The following SLC8A1 variants were observed in gnomAD, a reference collection of about 807,000 sequenced individuals.
The protein encoded by SLC8A1 is sodium/calcium exchanger 1.
In SLC8A1, 18 loss-of-function variants were observed where a neutral mutation model predicts 68.3. The observed-to-expected ratio is 0.26, with a 90% CI of 0.18 to 0.39. The LOEUF (loss-of-function observed/expected upper bound fraction) is 0.39, where lower values mean the gene tolerates loss of function less well. Among genes scored for constraint, SLC8A1 ranks in the 10% least tolerant of loss-of-function variants. SLC8A1 has a pLI of 1.00. For missense variants in SLC8A1, 985 were observed against 1,156.7 expected (o/e 0.85, Z 2.15); for synonymous variants, 475 against 415.5 (o/e 1.14, Z -1.74).
At chr2:40,123,970 T>A (rs1248786925) in intron 7 of SLC8A1, among the ~76,000 whole-genome samples, 2 of 152,216 alleles carry the variant, frequency 1.3e-5, no homozygotes, top group African/African-American at 4.8e-5. Context: ...TTTCAGTTAA[T>A]CCTCTTTGCA....
intron 1 of SLC8A1, among the ~76,000 whole-genome samples, chr2:40,448,584 T>G (rs1476388110): frequency 6.6e-6 from 1 of 152,162 alleles, no homozygotes; most frequent in Non-Finnish European, 1.5e-5. Context: ...CTACCAAGAA[T>G]TAGAGCCAAA....
chr2:40,107,671 C>T (rs1052424838), exon 8 of SLC8A1: 1 of 152,162 alleles, frequency 6.6e-6, no homozygotes, highest in Non-Finnish European at 1.5e-5. Flanking sequence ...ATGCTTCCTT[C>T]CATGCCTCTC....
intron 6 of SLC8A1, among the ~76,000 whole-genome samples, chr2:40,142,753 A>G (rs905863239): frequency 6.6e-6 from 1 of 152,198 alleles, no homozygotes; most frequent in African/African-American, 2.4e-5. Flanking sequence ...GTCTGAGAAT[A>G]TTTCAAGGTA....
intron 2 of SLC8A1, among the ~76,000 whole-genome samples, chr2:40,426,012 T>G (rs1696764404): frequency 6.6e-6 from 1 of 151,966 alleles, no homozygotes; most frequent in African/African-American, 2.4e-5. Context: ...AACCTTGTGT[T>G]TGAATCTTGG....
rs565261267 is a variant in SLC8A1, at chr2:40,397,072, G to C, written c.1808+31401C>G. Among the ~76,000 whole-genome samples, 6 of 152,222 alleles carry C rather than the reference G, an allele frequency of 3.9e-5. No individual in the cohort carries two copies. In the South Asian group the frequency reaches 1.2e-3, roughly 32 times the overall value. On this transcript the variant is annotated intron_variant, in intron 2 of 7. Coordinates refer to ENST00000406785, the Ensembl canonical transcript of SLC8A1. ...TGCTCTGTGCAAAGAGTGGATCCGT[G>C]GATCAGTTAATTTTATTGAACAGAA...
upstream of SLC8A1, among the ~76,000 whole-genome samples, chr2:40,453,827 T>A (rs903846067): frequency 5.9e-5 from 9 of 152,216 alleles, no homozygotes; most frequent in African/African-American, 1.9e-4. Context: ...TGAGGCCGTC[T>A]GAATGAGGAC....
intron 5 of SLC8A1, among the ~76,000 whole-genome samples, chr2:40,162,867 A>T (rs2045925569): frequency 6.6e-6 from 1 of 152,156 alleles, no homozygotes; most frequent in South Asian, 2.1e-4. Flanking sequence ...TCAGTGGGTA[A>T]AGCAGAGTGG....
At chr2:40,471,654 A>G (rs571654679) in intron 1 of SLC8A1, among the ~76,000 whole-genome samples, 2 of 152,190 alleles carry the variant, frequency 1.3e-5, no homozygotes, top group African/African-American at 4.8e-5. Context: ...TACTGACCTC[A>G]GGCATCTGTC....
chr2:40,481,394 CAT>C (rs1236271467), intron 1 of SLC8A1, among the ~76,000 whole-genome samples: 1 of 152,150 alleles, frequency 6.6e-6, no homozygotes, highest in Non-Finnish European at 1.5e-5. Flanking sequence ...ATTCCTGTCA[CAT>C]GTTAGCTGTG....
chr2:40,383,201 C>A (rs1184772093), intron 2 of SLC8A1, among the ~76,000 whole-genome samples: 2 of 151,950 alleles, frequency 1.3e-5, no homozygotes, highest in Non-Finnish European at 2.9e-5. Context: ...AATCATGGAG[C>A]AAAGTTTCAT....
intron 2 of SLC8A1, among the ~76,000 whole-genome samples, chr2:40,397,217 T>A (rs1271641918): frequency 6.6e-6 from 1 of 152,212 alleles, no homozygotes; most frequent in Non-Finnish European, 1.5e-5. Context: ...TTTTCTCTCT[T>A]TCTGAATTGT....
chr2:40,510,671 T>TA (rs973261566), intron 1 of SLC8A1, among the ~76,000 whole-genome samples: 1 of 152,102 alleles, frequency 6.6e-6, no homozygotes, highest in African/African-American at 2.4e-5. Context: ...TCTGTTAGTT[T>TA]AAAAAAAGAA....
chr2:40,136,561 G>A (rs2040533704), intron 7 of SLC8A1, among the ~76,000 whole-genome samples: 1 of 152,168 alleles, frequency 6.6e-6, no homozygotes, highest in African/African-American at 2.4e-5. Context: ...GAGCCCTTCT[G>A]TTTCAGGAAA....
chr2:40,333,125 T>A (rs2076587208), intron 2 of SLC8A1, among the ~76,000 whole-genome samples: 1 of 152,174 alleles, frequency 6.6e-6, no homozygotes, highest in African/African-American at 2.4e-5. Flanking sequence ...TTAACGAAAA[T>A]ACTTGTTGCA....
intron 2 of SLC8A1, among the ~76,000 whole-genome samples, chr2:40,262,094 C>A (rs1236383385): frequency 6.6e-6 from 1 of 151,956 alleles, no homozygotes; most frequent in Non-Finnish European, 1.5e-5. Flanking sequence ...TCCTTAGTAG[C>A]TGGGACTACA....
chr2:40,176,133 AATT>A lies in SLC8A1; in HGVS notation c.1913-1294_1913-1292del, dbSNP rs2048432342. Reference sequence around the variant, plus strand: ...AAAAGCAACCTTGCTAAATATATCAAATTATTTCCTGAGTTGAAGACGGGAATG... The same window carrying A: ...AAAAGCAACCTTGCTAAATATATCAAATTTCCTGAGTTGAAGACGGGAATG... On this transcript the variant is annotated intron_variant, in intron 3 of 7. Coordinates refer to ENST00000406785, the Ensembl canonical transcript of SLC8A1. The A allele has an allele frequency of 3.9e-5, 8 of 206,150 alleles. No homozygotes were observed. The South Asian group carries it at 4.7e-4, about 12-fold the overall frequency. 12.8% of individuals were successfully genotyped at this position (206,150 alleles called of 1,614,324 possible).
intron 2 of SLC8A1, among the ~76,000 whole-genome samples, chr2:40,320,330 C>T (rs960708978): frequency 1.3e-5 from 2 of 152,066 alleles, no homozygotes; most frequent in African/African-American, 4.8e-5. Context: ...CAGGGGTCAA[C>T]CTTGTCCTCC....
chr2:40,278,653 G>C (rs2067095585), intron 2 of SLC8A1, among the ~76,000 whole-genome samples: 1 of 152,054 alleles, frequency 6.6e-6, no homozygotes, highest in African/African-American at 2.4e-5. Flanking sequence ...GAGGCTAAGG[G>C]CATTGTGGTC....
intron 2 of SLC8A1, among the ~76,000 whole-genome samples, chr2:40,219,802 T>A (rs2058046766): frequency 1.1e-5 from 1 of 92,376 alleles, no homozygotes; most frequent in African/African-American, 3.3e-5. Context: ...ATGAGAGAGA[T>A]GTGCTTTGTT....
Sources: gnomAD v4.1 joint callset for allele counts (sites outside exome capture counted in the v4.1 genomes callset) on GRCh38, gnomAD v4.1.1 for gene constraint, MANE v1.5 for transcripts, NCBI Gene and HGNC (gene_info 2026-07-23, HGNC 2026-07-21) for gene names.